Variants in CNTNAP3B observed in about 807,000 individuals in gnomAD.
CNTNAP3B encodes the protein contactin associated protein family member 3B, also known as contactin-associated protein-like 3B.
Under a neutral mutation model 108.9 loss-of-function variants are expected in CNTNAP3B, and 25 were observed. The observed-to-expected ratio is 0.23, with a 90% CI of 0.17 to 0.32. The LOEUF (loss-of-function observed/expected upper bound fraction) is 0.32. CNTNAP3B is among the 10% of genes least tolerant of loss of function. CNTNAP3B has a pLI of 1.00. For missense variants in CNTNAP3B, 252 were observed against 1,210.4 expected (o/e 0.21, Z 11.75); for synonymous variants, 103 against 473.4 (o/e 0.22, Z 10.16).
At chr9:41,921,378 G>A (rs1288742854) in intron 17 of CNTNAP3B, among the ~76,000 whole-genome samples, 124 of 151,782 alleles carry the variant, frequency 8.2e-4, no homozygotes, top group African/African-American at 2.6e-3. Context: ...CACGCCTGAA[G>A]CTAGGTTTTA....
intron 12 of CNTNAP3B, among the ~76,000 whole-genome samples, chr9:41,958,688 G>T (rs1443358563): frequency 6.7e-6 from 1 of 150,136 alleles, no homozygotes; most frequent in Non-Finnish European, 1.5e-5. Context: ...CTCCAGGCAG[G>T]TTAGGCTCTG....
intron 11 of CNTNAP3B, among the ~76,000 whole-genome samples, chr9:41,964,040 T>C (rs1287569885): frequency 6.6e-6 from 1 of 152,274 alleles, no homozygotes; most frequent in Non-Finnish European, 1.5e-5. Flanking sequence ...CTAGCTGATA[T>C]CCCATTACCT....
At chr9:42,093,673 A>G (rs1328030456) in intron 2 of CNTNAP3B, among the ~76,000 whole-genome samples, 8 of 61,264 alleles carry the variant, frequency 1.3e-4, no homozygotes, top group African/African-American at 3.8e-4. Context: ...TATGAATTTC[A>G]CTACTCTAGG....
chr9:41,941,476 AG>A, intron 13 of CNTNAP3B, among the ~76,000 whole-genome samples: 1 of 151,528 alleles, frequency 6.6e-6, no homozygotes, highest in African/African-American at 2.4e-5. Context: ...AAAAATCACC[AG>A]GAAGACATAA....
At chr9:41,942,881 A>G (rs1165771600) in intron 13 of CNTNAP3B, among the ~76,000 whole-genome samples, 1 of 152,216 alleles carries the variant, frequency 6.6e-6, no homozygotes, top group African/African-American at 2.4e-5. Context: ...TACTAACCAG[A>G]TAAACATAAA....
chr9:41,930,997 A>C (rs1823961669), intron 14 of CNTNAP3B, among the ~76,000 whole-genome samples: 1 of 152,268 alleles, frequency 6.6e-6, no homozygotes, highest in South Asian at 2.1e-4. Flanking sequence ...GTATATTCTG[A>C]TTTACAGACA....
At chr9:41,922,300 T>A (rs1207324341) in intron 17 of CNTNAP3B, among the ~76,000 whole-genome samples, 1 of 125,482 alleles carries the variant, frequency 8.0e-6, no homozygotes, top group Non-Finnish European at 1.7e-5. Context: ...TGTGTCTCTA[T>A]TAAAAATACA....
At chr9:41,999,506 A>G (rs1404028468) in intron 4 of CNTNAP3B, among the ~76,000 whole-genome samples, 1 of 103,730 alleles carries the variant, frequency 9.6e-6, no homozygotes, top group East Asian at 3.0e-4. Flanking sequence ...AGGTAAGCCA[A>G]TTCCTTAAAA....
At chr9:42,067,909 T>C (rs1306591727) in intron 3 of CNTNAP3B, among the ~76,000 whole-genome samples, 2 of 129,260 alleles carry the variant, frequency 1.5e-5, no homozygotes, top group Admixed American at 1.6e-4. Flanking sequence ...CATCAGAAAC[T>C]AGAATATTCA....
intron 11 of CNTNAP3B, among the ~76,000 whole-genome samples, chr9:41,963,733 C>T (rs1295153542): frequency 6.6e-6 from 1 of 151,422 alleles, no homozygotes; most frequent in African/African-American, 2.4e-5. Context: ...ATCAGGCATC[C>T]TGGAGCCAAG....
At chr9:41,964,128 T>C (rs1825191623) in intron 11 of CNTNAP3B, among the ~76,000 whole-genome samples, 1 of 152,310 alleles carries the variant, frequency 6.6e-6, no homozygotes, top group Non-Finnish European at 1.5e-5. Flanking sequence ...ATACCTTAAA[T>C]GTAACATTGA....
At chr9:41,927,909 G>T (rs1418170114) in intron 15 of CNTNAP3B, among the ~76,000 whole-genome samples, 1 of 121,240 alleles carries the variant, frequency 8.2e-6, no homozygotes, top group Non-Finnish European at 1.8e-5. Context: ...TGTATGGGGG[G>T]CAAAGGAAAC....
At chr9:41,967,838 A>G (rs1406905569) in intron 10 of CNTNAP3B, among the ~76,000 whole-genome samples, 7 of 152,214 alleles carry the variant, frequency 4.6e-5, no homozygotes, top group Non-Finnish European at 7.3e-5. Flanking sequence ...ATTTGAAAAT[A>G]ATTTAAAAGT....
At chr9:42,120,874 T>C (rs1241545984) in intron 1 of CNTNAP3B, among the ~76,000 whole-genome samples, 2 of 132,970 alleles carry the variant, frequency 1.5e-5, no homozygotes, top group Non-Finnish European at 3.2e-5. Context: ...CTAATGTAAA[T>C]GACAAGTTAA....
rs1189229601 is a variant in CNTNAP3B, at chr9:42,116,167, A to G, written c.86-11428T>C. Among the ~76,000 whole-genome samples the G allele has an allele frequency of 2.2e-5, 3 of 137,056 alleles. No individual in the cohort carries two copies. The East Asian group carries it at 6.5e-4, about 30-fold the overall frequency. 89.9% of individuals were successfully genotyped at this position (137,056 alleles called of 152,430 possible). On this transcript the variant is annotated intron_variant, in intron 1 of 23. Coordinates refer to ENST00000377561, the MANE Select transcript of CNTNAP3B (RefSeq NM_001201380.3). The stretch of plus-strand genomic sequence containing the variant: ...AAATGAAGCGAGAAAAGAAGTTTAG[A>G]GAAAAAAGAGTAAAAAGAAATGAAC...
At chr9:42,121,474 T>C (rs1236744835) in intron 1 of CNTNAP3B, among the ~76,000 whole-genome samples, 1 of 137,966 alleles carries the variant, frequency 7.2e-6, no homozygotes, top group East Asian at 2.2e-4. Context: ...GGGATGAATG[T>C]CACATGGCAT....
Position 42,119,254 on chromosome 9 carries a change from T to G in CNTNAP3B, c.85+9756A>C, listed in dbSNP as rs1217234655. Among the ~76,000 whole-genome samples the G allele has an allele frequency of 1.6e-5, 2 of 122,136 alleles. 1 individual carries two copies. The highest frequency in any genetic ancestry group is 3.4e-5 in the Non-Finnish European group (2 of 59,294). The allele number at this position is 122,136 out of a possible 152,430, so 80.1% of individuals were successfully genotyped here. Reference sequence around the variant, plus strand: ...ATTGCTTCAAAGAGGATAAAATACCTAGGAATCCAACTTACAAGGGATGTG... The same window carrying G: ...ATTGCTTCAAAGAGGATAAAATACCGAGGAATCCAACTTACAAGGGATGTG... On this transcript the variant is annotated intron_variant, in intron 1 of 23. Coordinates refer to ENST00000377561, the MANE Select transcript of CNTNAP3B (RefSeq NM_001201380.3).
At chr9:41,981,885 C>A (rs1305289682) in intron 9 of CNTNAP3B, among the ~76,000 whole-genome samples, 2 of 33,872 alleles carry the variant, frequency 5.9e-5, no homozygotes, top group Non-Finnish European at 7.9e-5. Context: ...GACCTCGTCT[C>A]TACAAACAAT....
intron 2 of CNTNAP3B, among the ~76,000 whole-genome samples, chr9:42,094,699 G>C (rs1827865713): frequency 1.1e-5 from 1 of 88,846 alleles, no homozygotes; most frequent in Non-Finnish European, 2.2e-5. Flanking sequence ...AAGAAAAAAA[G>C]AGGGAAGGAA....
Sources: allele counts gnomAD v4.1 joint callset (sites outside exome capture counted in the v4.1 genomes callset), GRCh38; gene constraint gnomAD v4.1.1; transcripts MANE v1.5; gene names NCBI Gene and HGNC (gene_info 2026-07-23, HGNC 2026-07-21).